Variants in ITPR2 observed in about 807,000 individuals in gnomAD.
ITPR2 encodes the protein inositol 1,4,5-trisphosphate receptor type 2.
ITPR2 carries 207 observed loss-of-function variants against 317.1 expected under a neutral mutation model. The ratio of observed to expected loss-of-function variants is 0.65; its 90% confidence interval spans 0.58 to 0.73. The LOEUF is 0.73. Among genes scored for constraint, ITPR2 ranks in the 30% least tolerant of loss-of-function variants. The pLI, the probability that ITPR2 is intolerant of heterozygous loss-of-function variation, is 0.00. For synonymous variants in ITPR2, 1,156 were observed against 1,149.1 expected (o/e 1.01, Z -0.12); for missense variants, 2,613 against 3,284.0 (o/e 0.80, Z 4.99).
chr12:26,721,971 TCAG>T (rs1490199443), intron 5 of ITPR2, among the ~76,000 whole-genome samples: 3 of 152,114 alleles, frequency 2.0e-5, no homozygotes, highest in African/African-American at 7.2e-5. Flanking sequence ...TTATAGACTG[TCAG>T]CAGCTGGCAT....
At chr12:26,662,852 T>C (rs1947533151) in intron 15 of ITPR2, among the ~76,000 whole-genome samples, 1 of 152,062 alleles carries the variant, frequency 6.6e-6, no homozygotes, top group African/African-American at 2.4e-5. Context: ...TTCGTTTTTG[T>C]AGAGATGGGG....
chr12:26,686,724 T>C, intron 10 of ITPR2, 92 bp from the exon 11 acceptor site: 1 of 1,126,036 alleles, frequency 8.9e-7, no homozygotes, highest in Non-Finnish European at 1.3e-6. Context: ...GTGCATGTTA[T>C]TTCTTCCTTG....
chr12:26,563,324 C>A (rs1002408506), intron 34 of ITPR2, among the ~76,000 whole-genome samples: 1 of 152,230 alleles, frequency 6.6e-6, no homozygotes, highest in Admixed American at 6.5e-5. Context: ...GTAATCCCAG[C>A]ACTTTGGGAG....
At chr12:26,822,909 G>C (rs1253132602) in intron 1 of ITPR2, among the ~76,000 whole-genome samples, 1 of 152,064 alleles carries the variant, frequency 6.6e-6, no homozygotes, top group Non-Finnish European at 1.5e-5. Context: ...ATATTGAATT[G>C]TTTGCTTTAG....
intron 55 of ITPR2, among the ~76,000 whole-genome samples, chr12:26,360,378 T>C (rs1938788708): frequency 6.6e-6 from 1 of 152,190 alleles, no homozygotes; most frequent in Non-Finnish European, 1.5e-5. Flanking sequence ...GTCCGCTGTT[T>C]TGCAGAAGTG....
intron 55 of ITPR2, among the ~76,000 whole-genome samples, chr12:26,381,592 T>C (rs1939511284): frequency 6.6e-6 from 1 of 152,252 alleles, no homozygotes; most frequent in Admixed American, 6.5e-5. Flanking sequence ...ACTTATATTT[T>C]AGTTACGACA....
intron 1 of ITPR2, among the ~76,000 whole-genome samples, chr12:26,803,559 T>C (rs1310802957): frequency 6.6e-6 from 1 of 152,252 alleles, no homozygotes; most frequent in East Asian, 1.9e-4. Flanking sequence ...TTTAATTACA[T>C]ATTCTACAAG....
chr12:26,755,047 G>A lies in ITPR2; in HGVS notation c.164-29282C>T, dbSNP rs1443216847. On this transcript the variant is annotated intron_variant, in intron 2 of 56. Coordinates refer to ENST00000381340, the MANE Select transcript of ITPR2 (RefSeq NM_002223.4). ...TAAAATGGTGTTTGGTTTCCTTTGG[G>A]CTGTATTTGCATAAATGTGTTTTTG... 2.0e-5 allele frequency among the ~76,000 whole-genome samples: 3 copies of A among 152,254 alleles called. No individual in the cohort carries two copies. In the East Asian group the frequency reaches 5.8e-4, roughly 29 times the overall value.
At chr12:26,646,838 T>C (rs1411383451) in intron 21 of ITPR2, among the ~76,000 whole-genome samples, 3 of 152,170 alleles carry the variant, frequency 2.0e-5, no homozygotes, top group South Asian at 4.1e-4. Context: ...ATAACATATA[T>C]ACCAACAAAA....
chr12:26,671,681 T>C (rs1156882946), intron 13 of ITPR2, among the ~76,000 whole-genome samples: 11 of 151,252 alleles, frequency 7.3e-5, no homozygotes, highest in African/African-American at 2.7e-4. Flanking sequence ...AATGACAGGA[T>C]CAAATTCACA....
intron 41 of ITPR2, 131 bp from the exon 42 acceptor site, chr12:26,484,029 C>T: frequency 1.3e-6 from 1 of 755,714 alleles, no homozygotes; most frequent in Non-Finnish European, 2.1e-6. Flanking sequence ...TAAAACTGTC[C>T]TCCACTTAAG....
intron 10 of ITPR2, among the ~76,000 whole-genome samples, chr12:26,688,601 G>A (rs1012399485): frequency 5.3e-5 from 8 of 152,110 alleles, no homozygotes; most frequent in Admixed American, 5.2e-4. Flanking sequence ...TGGGGAGAAA[G>A]AATAGAGAAC....
chr12:26,818,774 A>C (rs996822427), intron 1 of ITPR2, among the ~76,000 whole-genome samples: 3 of 152,140 alleles, frequency 2.0e-5, no homozygotes, highest in Non-Finnish European at 2.9e-5. Context: ...GGTTGAAGTC[A>C]AAGATCTACC....
rs185446000 is a variant in ITPR2 at position 26,790,018 on chromosome 12, T to C, written c.163+139A>G. The C allele has an allele frequency of 2.4e-4, 161 of 676,334 alleles. 1 individual carries two copies. In the East Asian group the frequency reaches 4.2e-3, roughly 18 times the overall value. The allele number at this position is 676,334 out of a possible 1,614,324, so 41.9% of individuals were successfully genotyped here. On this transcript the variant is annotated intron_variant, in intron 2 of 56. Coordinates refer to ENST00000381340, the MANE Select transcript of ITPR2 (RefSeq NM_002223.4). ...ATGTAAAAGAAAAACAATGGAAAAATTGTTGAAAGAATTTTCAGTGAACAT... is the reference window on the plus strand; with the variant it reads ...ATGTAAAAGAAAAACAATGGAAAAACTGTTGAAAGAATTTTCAGTGAACAT...
chr12:26,717,456 T>C (rs542217381), intron 5 of ITPR2, among the ~76,000 whole-genome samples: 5 of 152,114 alleles, frequency 3.3e-5, no homozygotes, highest in Non-Finnish European at 5.9e-5. Flanking sequence ...CAAAGAAAGG[T>C]TGTGCTTTGG....
rs1431727605 is a variant in ITPR2, at chr12:26,665,984, C to A, written c.1477G>T (p.Val493Phe). The A allele has an allele frequency of 1.3e-5, 21 of 1,613,580 alleles. No homozygotes were observed. The Admixed American group carries it at 3.5e-4, about 27-fold the overall frequency. Reference protein sequence around the residue: ...VADVPNNGQEVLDVVITKPNR... With the variant: ...VADVPNNGQEFLDVVITKPNR... ...GGCTTAGTGATAACCACATCCAGAA[C>A]TTCTTGTCCATTATTAGGCACATCA... is the stretch of plus-strand genomic sequence containing the variant. The change falls in exon 14 of 57, where the codon GTT (valine) becomes TTT (phenylalanine). Residue 493 changes from valine to phenylalanine, a missense_variant. Coordinates refer to ENST00000381340, the MANE Select transcript of ITPR2 (RefSeq NM_002223.4).
chr12:26,645,216 C>T (rs1321324145), intron 21 of ITPR2, among the ~76,000 whole-genome samples: 1 of 152,130 alleles, frequency 6.6e-6, no homozygotes, highest in African/African-American at 2.4e-5. Context: ...TCTAGAGTTG[C>T]CGAGAATTGT....
At position 26,682,641 on chromosome 12, in the gene ITPR2, G is replaced by C. The variant is rs774618616; in HGVS notation, c.1181C>G (p.Thr394Ser). The C allele has an allele frequency of 9.3e-6, 15 of 1,612,566 alleles. No individual in the cohort carries two copies. The highest frequency in any genetic ancestry group is 1.2e-5 in the Non-Finnish European group (14 of 1,179,122). ...ACTAGTACTGGTTACCCATGTGTTG[G>C]TGCATAAATGCCTTAACCGAACATA... The part of the protein sequence containing the change: ...NSYVRLRHLC[T>S]NTWVTSTSIP... Residue 394 changes from threonine (T) to serine (S), a missense_variant, in exon 12 of 57, where the codon ACC becomes AGC. Thr to Ser is a moderately conservative substitution (Grantham distance 58). Around this residue, in one of 9 missense-constraint regions of ITPR2, gnomAD observed 515 missense variants for 789.4 expected, o/e 0.65. Transcript: ENST00000381340.
At chr12:26,605,661 T>C (rs1488619154) in intron 26 of ITPR2, among the ~76,000 whole-genome samples, 2 of 152,220 alleles carry the variant, frequency 1.3e-5, no homozygotes. Context: ...TAAAATGTAC[T>C]ACATTACAAA....
Sources: gnomAD v4.1 joint callset for allele counts (sites outside exome capture counted in the v4.1 genomes callset) on GRCh38, gnomAD v4.1.1 for gene constraint, gnomAD v4.1.1 regional missense constraint, MANE v1.5 for transcripts, NCBI Gene and HGNC (gene_info 2026-07-23, HGNC 2026-07-21) for gene names.